GLCE: variants seen among roughly 807,000 people sequenced by gnomAD.
GLCE encodes D-glucuronyl C5-epimerase.
A neutral mutation model predicts 47.9 loss-of-function variants in GLCE; 19 were observed. The observed-to-expected ratio is 0.40, with a 90% CI of 0.28 to 0.58. GLCE has a LOEUF of 0.58. GLCE is among the 20% of genes least tolerant of loss of function. The pLI, the probability that GLCE is intolerant of heterozygous loss-of-function variation, is 0.48. For synonymous variants in GLCE, 245 were observed against 263.4 expected, an observed-to-expected ratio of 0.93 and a Z score of 0.68; for missense variants, 556 against 743.3, an observed-to-expected ratio of 0.75 and a Z score of 2.93.
At chr15:69,260,389 A>G (rs1444167442) in intron 3 of GLCE, among the ~76,000 whole-genome samples, 1 of 151,016 alleles carries the variant, frequency 6.6e-6, no homozygotes, top group East Asian at 2.0e-4. Flanking sequence ...CCTCCCAAAT[A>G]GCTGGGATTA....
chr15:69,174,724 A>G (rs1221157504), intron 1 of GLCE, among the ~76,000 whole-genome samples: 2 of 152,202 alleles, frequency 1.3e-5, no homozygotes, highest in Non-Finnish European at 2.9e-5. Flanking sequence ...CATTTTATTC[A>G]CTGTCATCCC....
At chr15:69,215,630 CCTTAT>C (rs138903480) in intron 2 of GLCE, among the ~76,000 whole-genome samples, 1,526 of 151,754 alleles carry the variant, frequency 0.01, 22 homozygotes, top group African/African-American at 0.033. Flanking sequence ...GGATTATGGG[CCTTAT>C]CTTAAGTGTA....
At chr15:69,219,740 A>T (rs1048656243) in intron 2 of GLCE, among the ~76,000 whole-genome samples, 6 of 152,144 alleles carry the variant, frequency 3.9e-5, no homozygotes, top group Non-Finnish European at 8.8e-5. Context: ...AATACACGTA[A>T]TATAAAATTT....
intron 2 of GLCE, among the ~76,000 whole-genome samples, chr15:69,223,388 G>A (rs537584066): frequency 5.3e-4 from 80 of 152,180 alleles, no homozygotes; most frequent in African/African-American, 1.5e-3. Flanking sequence ...CTAGCACATT[G>A]AATATGTCAA....
intron 4 of GLCE, among the ~76,000 whole-genome samples, chr15:69,267,934 GA>G (rs1302286633): frequency 1.4e-5 from 2 of 146,262 alleles, no homozygotes; most frequent in Admixed American, 1.4e-4. Context: ...AGGCAGTTTT[GA>G]TCAACAATAC....
At chr15:69,221,819 C>T (rs572097475) in intron 2 of GLCE, among the ~76,000 whole-genome samples, 12 of 144,470 alleles carry the variant, frequency 8.3e-5, no homozygotes, top group Middle Eastern at 3.8e-3. Flanking sequence ...GCCAGGATCA[C>T]GCCACTGTAC....
intron 1 of GLCE, among the ~76,000 whole-genome samples, chr15:69,171,393 T>G (rs2051585844): frequency 6.6e-6 from 1 of 150,654 alleles, no homozygotes; most frequent in African/African-American, 2.4e-5. Context: ...ACTTTTGGGA[T>G]ATATTCTTTT....
At chr15:69,208,010 G>A (rs2052175784) in intron 1 of GLCE, among the ~76,000 whole-genome samples, 1 of 151,982 alleles carries the variant, frequency 6.6e-6, no homozygotes, top group South Asian at 2.1e-4. Flanking sequence ...TTACTGTTGA[G>A]TTTTGAGTGT....
chr15:69,171,104 A>G (rs2051581520), intron 1 of GLCE, among the ~76,000 whole-genome samples: 1 of 152,134 alleles, frequency 6.6e-6, no homozygotes, highest in Admixed American at 6.5e-5. Context: ...TCATTTACTT[A>G]AACTTTTATT....
At chr15:69,182,379 C>T (rs1341186790) in intron 1 of GLCE, among the ~76,000 whole-genome samples, 1 of 149,962 alleles carries the variant, frequency 6.7e-6, no homozygotes, top group African/African-American at 2.5e-5. Flanking sequence ...CAGAAAATTG[C>T]GCTGAAAGAG....
chr15:69,223,655 C>T (rs989233852), intron 2 of GLCE, among the ~76,000 whole-genome samples: 1 of 152,088 alleles, frequency 6.6e-6, no homozygotes, highest in African/African-American at 2.4e-5. Context: ...TTCATGTGAT[C>T]TCTTTGCCTC....
At chr15:69,264,278 G>A (rs2053054946) in intron 4 of GLCE, among the ~76,000 whole-genome samples, 1 of 150,732 alleles carries the variant, frequency 6.6e-6, no homozygotes. Flanking sequence ...GTCACACGTA[G>A]CATAATTCCT....
chr15:69,175,434 T>C (rs1336138560), intron 1 of GLCE, among the ~76,000 whole-genome samples: 1 of 152,212 alleles, frequency 6.6e-6, no homozygotes, highest in Non-Finnish European at 1.5e-5. Context: ...TTCTAGTAAA[T>C]GTACTTACTG....
intron 1 of GLCE, among the ~76,000 whole-genome samples, chr15:69,167,846 C>A (rs2051528467): frequency 2.2e-5 from 3 of 137,906 alleles, no homozygotes; most frequent in Admixed American, 7.3e-5. Flanking sequence ...TTTTTTAAAT[C>A]TCAGCTTTTA....
intron 2 of GLCE, among the ~76,000 whole-genome samples, chr15:69,218,742 T>G (rs1595761835): frequency 6.6e-6 from 1 of 152,340 alleles, no homozygotes; most frequent in Middle Eastern, 3.4e-3. Flanking sequence ...TGGCTAAATA[T>G]CCATTTGATA....
intron 2 of GLCE, among the ~76,000 whole-genome samples, chr15:69,216,688 T>C (rs973158234): frequency 2.6e-5 from 4 of 152,114 alleles, no homozygotes; most frequent in African/African-American, 9.7e-5. Context: ...AGCTGCTGTA[T>C]AGTTCTTGCC....
chr15:69,189,318 C>T (rs1006560018), intron 1 of GLCE, among the ~76,000 whole-genome samples: 7 of 152,220 alleles, frequency 4.6e-5, no homozygotes, highest in East Asian at 1.9e-4. Flanking sequence ...GCTTCTTTCA[C>T]GTAGTAATAT....
rs568019036 is a variant in GLCE, at chr15:69,241,368, T to C, written c.-13-14426T>C. Among the ~76,000 whole-genome samples the C allele has an allele frequency of 5.1e-4, 78 of 152,292 alleles. 1 individual carries two copies. Among genetic ancestry groups the C allele is most frequent in the African/African-American group, 1.8e-3 (75 of 41,566 alleles). On this transcript the variant is annotated intron_variant, in intron 2 of 4. Coordinates refer to ENST00000261858, the MANE Select transcript of GLCE (RefSeq NM_015554.3). ...CACCTACCCTTCTAAAAGAATTATTTCAAAACATACTGTAGCTGAGAGATT... is the reference window on the plus strand; with the variant it reads ...CACCTACCCTTCTAAAAGAATTATTCCAAAACATACTGTAGCTGAGAGATT...
At chr15:69,168,118 T>C (rs1387085623) in intron 1 of GLCE, among the ~76,000 whole-genome samples, 3 of 152,108 alleles carry the variant, frequency 2.0e-5, no homozygotes, top group Admixed American at 2.0e-4. Context: ...AGATTTTTAT[T>C]GTCTTTCTAC....
Sources: gnomAD v4.1 joint callset for allele counts (sites outside exome capture counted in the v4.1 genomes callset) on GRCh38, gnomAD v4.1.1 for gene constraint, MANE v1.5 for transcripts, NCBI Gene and HGNC (gene_info 2026-07-23, HGNC 2026-07-21) for gene names.